Variants in ABI3BP observed in about 807,000 individuals in gnomAD.
ABI3BP encodes ABI family member 3 binding protein.
Under a neutral mutation model 268.6 loss-of-function variants are expected in ABI3BP, and 216 were observed. The observed-to-expected ratio is 0.80, with a 90% confidence interval of 0.72 to 0.90. The LOEUF is 0.90. ABI3BP is among the 40% of genes least tolerant of loss of function. ABI3BP has a pLI of 0.00. For missense variants in ABI3BP, 2,090 were observed against 2,182.4 expected (o/e 0.96, Z 0.84); for synonymous variants, 730 against 730.0 (o/e 1.00, Z 0.00).
intron 5 of ABI3BP, 146 bp downstream of exon 5, chr3:100,885,996 A>G: frequency 1.7e-6 from 1 of 573,736 alleles, no homozygotes; most frequent in South Asian, 4.3e-5. Context: ...TGCTCAATAT[A>G]TCTTCTTTGC....
rs2096249231 is a variant in ABI3BP, at chr3:100,765,881, G to C, written c.4810C>G (p.Gln1604Glu). The C allele has an allele frequency of 6.2e-7, 1 of 1,612,436 alleles. No homozygotes were observed. The highest frequency in any genetic ancestry group is 1.1e-5 in the South Asian group (1 of 90,596). The change falls in exon 63 of 68, where the codon CAG becomes GAG. Residue 1604 changes from glutamine to glutamate, a missense_variant. By Grantham distance (29) the Gln-to-Glu change is conservative (BLOSUM62 2). Coordinates refer to ENST00000471714, the MANE Select transcript of ABI3BP (RefSeq NM_001375547.2). Reference protein sequence around the residue: ...GKNKSIQMTNQTFSTVENLKP... With the variant: ...GKNKSIQMTNETFSTVENLKP... ...AGATTTTCTACTGTGGAAAATGTCTGATTTGTCATTTGAATGGACTTGTTC... is the reference window on the plus strand; with the variant it reads ...AGATTTTCTACTGTGGAAAATGTCTCATTTGTCATTTGAATGGACTTGTTC...
At chr3:100,858,765 C>A (rs2098965521) in intron 14 of ABI3BP, among the ~76,000 whole-genome samples, 1 of 152,128 alleles carries the variant, frequency 6.6e-6, no homozygotes, top group African/African-American at 2.4e-5. Context: ...CAATATCAGA[C>A]AAGACCACTC....
chr3:100,902,566 G>C (rs1162245884), intron 3 of ABI3BP, 52 bp downstream of exon 3: 1 of 1,559,942 alleles, frequency 6.4e-7, no homozygotes, highest in African/African-American at 1.4e-5. Flanking sequence ...GAGATGAAAA[G>C]TCATGGTTCA....
At chr3:100,789,100 C>A (rs554495908) in intron 56 of ABI3BP, among the ~76,000 whole-genome samples, 25 of 152,112 alleles carry the variant, frequency 1.6e-4, no homozygotes, top group African/African-American at 6.0e-4. Context: ...GAAAAGAGAC[C>A]CTCTTTTCTT....
At chr3:100,806,615 A>G (rs1172562789) in intron 50 of ABI3BP, among the ~76,000 whole-genome samples, 1 of 152,116 alleles carries the variant, frequency 6.6e-6, no homozygotes, top group Non-Finnish European at 1.5e-5. Flanking sequence ...GTTCCCTTAC[A>G]TTAAGTAGCA....
At chr3:100,987,565 A>C (rs2092131426) in intron 1 of ABI3BP, among the ~76,000 whole-genome samples, 1 of 152,184 alleles carries the variant, frequency 6.6e-6, no homozygotes, top group African/African-American at 2.4e-5. Flanking sequence ...TTTGTAATAT[A>C]AGGTTCTTTT....
chr3:100,903,735 A>G (rs2153510543), intron 2 of ABI3BP, among the ~76,000 whole-genome samples: 1 of 152,324 alleles, frequency 6.6e-6, no homozygotes, highest in South Asian at 2.1e-4. Context: ...GATGGGGACA[A>G]CCTGGCAACT....
chr3:100,799,146 C>A (rs1289413449), intron 51 of ABI3BP, among the ~76,000 whole-genome samples: 1 of 152,140 alleles, frequency 6.6e-6, no homozygotes, highest in Non-Finnish European at 1.5e-5. Context: ...CTTGACATGG[C>A]TTCTCCTTCA....
intron 51 of ABI3BP, among the ~76,000 whole-genome samples, chr3:100,803,685 C>G (rs1219666810): frequency 6.6e-6 from 1 of 152,158 alleles, no homozygotes; most frequent in Admixed American, 6.6e-5. Flanking sequence ...CTACTGTTAT[C>G]TATAACAAAT....
At chr3:100,882,022 T>C (rs1271310108) in intron 6 of ABI3BP, among the ~76,000 whole-genome samples, 1 of 152,170 alleles carries the variant, frequency 6.6e-6, no homozygotes, top group Non-Finnish European at 1.5e-5. Flanking sequence ...TGACCTAAAA[T>C]TTATTTATCT....
intron 4 of ABI3BP, among the ~76,000 whole-genome samples, chr3:100,894,559 C>G (rs777816242): frequency 6.6e-6 from 1 of 152,040 alleles, no homozygotes; most frequent in Non-Finnish European, 1.5e-5. Context: ...TGAAGATACT[C>G]GCTTCTTACA....
At chr3:100,992,743 G>A (rs555367718) in intron 1 of ABI3BP, among the ~76,000 whole-genome samples, 1 of 152,278 alleles carries the variant, frequency 6.6e-6, no homozygotes, top group East Asian at 1.9e-4. Flanking sequence ...AAGAAAGGGG[G>A]GAGTGTCCTG....
rs1046936198 is a variant in ABI3BP, at chr3:100,827,961, T to C, written c.2602+432A>G. Among the ~76,000 whole-genome samples, 18 of 151,232 alleles carry C rather than the reference T, an allele frequency of 1.2e-4. 1 individual carries two copies. ...TCATACATTAACAAAATAACAAAAATAACAGGCAGATTAAAAAGGTAGATG... is the reference window on the plus strand; with the variant it reads ...TCATACATTAACAAAATAACAAAAACAACAGGCAGATTAAAAAGGTAGATG... On this transcript the variant is annotated intron_variant, in intron 34 of 67. Transcript: ENST00000471714.
chr3:100,775,177 T>C, intron 60 of ABI3BP, 30 bp downstream of exon 60: 1 of 1,608,356 alleles, frequency 6.2e-7, no homozygotes. Flanking sequence ...CACAGCTAAG[T>C]ATCCAGTGAG....
chr3:100,907,646 A>C (rs187259242), intron 2 of ABI3BP, among the ~76,000 whole-genome samples: 4 of 152,350 alleles, frequency 2.6e-5, no homozygotes, highest in Non-Finnish European at 4.4e-5. Context: ...TACAGCAAGC[A>C]TCACAAGTTC....
intron 14 of ABI3BP, among the ~76,000 whole-genome samples, chr3:100,857,449 G>A (rs1368404228): frequency 6.6e-6 from 1 of 152,144 alleles, no homozygotes; most frequent in Non-Finnish European, 1.5e-5. Flanking sequence ...TTAACTGGTA[G>A]TTGAGCTGGC....
chr3:100,810,445 G>A lies in ABI3BP; in HGVS notation c.3574C>T (p.Leu1192=), dbSNP rs1157371898. Residue 1192 remains leucine, a synonymous_variant, in exon 49 of 68, where the codon CTA becomes TTA. Coordinates refer to ENST00000471714, the MANE Select transcript of ABI3BP (RefSeq NM_001375547.2). Reference sequence around the variant, plus strand: ...GTCTGAGGCTCATCTGGGCTGGGTAGGGTTATAGATTGAGAAGGCAGAGGC... The same window carrying A: ...GTCTGAGGCTCATCTGGGCTGGGTAAGGTTATAGATTGAGAAGGCAGAGGC... ...TSPLPSQSIT[L]PSPDEPQTEP... 6.5e-7 allele frequency: 1 copy of A among 1,535,016 alleles called. No individual in the cohort carries two copies. Among genetic ancestry groups the A allele is most frequent in the Non-Finnish European group, 8.7e-7 (1 of 1,146,122 alleles).
At chr3:100,767,723 T>G (rs1262030222) in intron 62 of ABI3BP, among the ~76,000 whole-genome samples, 1 of 152,176 alleles carries the variant, frequency 6.6e-6, no homozygotes, top group African/African-American at 2.4e-5. Context: ...CTACTGCTTA[T>G]GGGGATTAAA....
chr3:100,956,254 CACACACATAT>C (rs1488649869), intron 1 of ABI3BP, among the ~76,000 whole-genome samples: 7 of 126,608 alleles, frequency 5.5e-5, no homozygotes, highest in African/African-American at 1.7e-4. Context: ...CACACACACA[CACACACATAT>C]GGCATGTCAA....
Sources: gnomAD v4.1 joint callset for allele counts (sites outside exome capture counted in the v4.1 genomes callset) on GRCh38, gnomAD v4.1.1 for gene constraint, MANE v1.5 for transcripts, NCBI Gene and HGNC (gene_info 2026-07-23, HGNC 2026-07-21) for gene names.